The following SMOC1 variants were observed in gnomAD, a reference collection of about 807,000 sequenced individuals.
SMOC1 encodes the protein SPARC-related modular calcium-binding protein 1.
A neutral mutation model predicts 56.3 loss-of-function variants in SMOC1; 22 were observed. The observed-to-expected ratio is 0.39, with a 90% CI of 0.28 to 0.56. SMOC1 has a LOEUF of 0.56. SMOC1 is among the 20% of genes least tolerant of loss of function. The probability of loss-of-function intolerance (pLI) is 0.61; values close to 1 mark genes in which losing one functional copy is unlikely to be tolerated. For synonymous variants in SMOC1, 193 were observed against 215.0 expected (o/e 0.90, Z 0.89); for missense variants, 509 against 565.4 (o/e 0.90, Z 1.01).
rs564870427 is a variant in SMOC1, at chr14:69,923,421, G to A, written c.100-28717G>A. On this transcript the variant is annotated intron_variant, in intron 1 of 11. Transcript: ENST00000361956. ...ACACATAGGAATTGGGGTGGTGGGA[G>A]CACAGGGGGTAATAGCATGGACCAG... is the stretch of plus-strand genomic sequence containing the variant. Among the ~76,000 whole-genome samples the A allele has an allele frequency of 2.0e-5, 3 of 152,322 alleles. No homozygotes were observed. The South Asian group carries it at 6.2e-4, about 32-fold the overall frequency.
chr14:69,966,163 T>C (rs139225830), intron 3 of SMOC1, among the ~76,000 whole-genome samples: 2 of 152,188 alleles, frequency 1.3e-5, no homozygotes, highest in African/African-American at 4.8e-5. Flanking sequence ...TATTATGTAC[T>C]TTTTAAACAT....
intron 5 of SMOC1, among the ~76,000 whole-genome samples, chr14:69,982,082 T>G (rs1033591725): frequency 6.6e-6 from 1 of 152,172 alleles, no homozygotes; most frequent in African/African-American, 2.4e-5. Flanking sequence ...TCAGAGGCCA[T>G]GGGGTGATGC....
intron 3 of SMOC1, among the ~76,000 whole-genome samples, chr14:69,968,065 A>C (rs1312757759): frequency 6.6e-6 from 1 of 152,216 alleles, no homozygotes; most frequent in Non-Finnish European, 1.5e-5. Flanking sequence ...TTAAAATACC[A>C]TGTCATTAAA....
intron 1 of SMOC1, among the ~76,000 whole-genome samples, chr14:69,938,033 A>C (rs762095558): frequency 1.3e-5 from 2 of 152,076 alleles, no homozygotes; most frequent in Non-Finnish European, 2.9e-5. Flanking sequence ...TGGATAAAGC[A>C]TTTCTTCCTC....
chr14:69,885,269 T>C (rs1883766118), intron 1 of SMOC1: 3 of 949,418 alleles, frequency 3.2e-6, no homozygotes, highest in Non-Finnish European at 4.6e-6. Context: ...ACAACTTCTT[T>C]TTTTTTTTTT....
In SMOC1 at chr14:70,010,959, G is replaced by T; in HGVS notation, c.857+13G>T. The T allele has an allele frequency of 1.2e-6, 2 of 1,611,902 alleles. No individual in the cohort carries two copies. The highest frequency in any genetic ancestry group is 1.7e-6 in the Non-Finnish European group (2 of 1,179,924). ...GGACCTCCACACGGTAAGCCCCCCAGACTGGGTCCTGGGAAAAACGCACCT... is the reference window on the plus strand; with the variant it reads ...GGACCTCCACACGGTAAGCCCCCCATACTGGGTCCTGGGAAAAACGCACCT... On this transcript the variant is annotated intron_variant, in intron 8 of 11. Transcript: ENST00000361956.
intron 1 of SMOC1, among the ~76,000 whole-genome samples, chr14:69,910,982 A>G (rs79123588): frequency 1.3e-5 from 2 of 152,318 alleles, no homozygotes; most frequent in African/African-American, 4.8e-5. Context: ...ATTGAACTGT[A>G]TCCAGACTCC....
intron 1 of SMOC1, among the ~76,000 whole-genome samples, chr14:69,936,851 T>C (rs1885307601): frequency 6.6e-6 from 1 of 151,334 alleles, no homozygotes; most frequent in Non-Finnish European, 1.5e-5. Flanking sequence ...AACATTTTGG[T>C]ATATTTCCTA....
At chr14:69,974,187 G>T (rs1292385197) in intron 3 of SMOC1, among the ~76,000 whole-genome samples, 1 of 152,164 alleles carries the variant, frequency 6.6e-6, no homozygotes, top group African/African-American at 2.4e-5. Context: ...GATCTTGAGA[G>T]GGGGGAGTGG....
intron 3 of SMOC1, among the ~76,000 whole-genome samples, chr14:69,960,224 C>T (rs1329435864): frequency 3.3e-5 from 5 of 152,148 alleles, no homozygotes; most frequent in Admixed American, 6.5e-5. Flanking sequence ...GTTCAGGGGC[C>T]AAGGGCCTTT....
At chr14:69,994,182 C>G in intron 6 of SMOC1, 1 of 621,094 alleles carries the variant, frequency 1.6e-6, no homozygotes, top group Non-Finnish European at 2.9e-6. Context: ...CACTCTGCTT[C>G]CCAGCACAGG....
In SMOC1 at chr14:69,977,931, C is replaced by T. The variant is rs776418067; in HGVS notation, c.492C>T (p.Asp164=). Residue 164 remains aspartate, a synonymous_variant, in exon 5 of 12, where the codon GAC becomes GAT. Transcript: ENST00000361956. ...TTCTCACCCAAGGTTCAGTCACCGA[C>T]AAGCCCTTGAGCCAGGGTAACTCAG... ...KTPVCSGSVT[D]KPLSQGNSGR... is the part of the protein sequence containing the mutation. 1.8e-5 allele frequency: 29 copies of T among 1,613,858 alleles called. No individual in the cohort carries two copies. The highest frequency in any genetic ancestry group is 2.3e-5 in the Non-Finnish European group (27 of 1,179,896).
At chr14:69,910,227 A>G (rs1884521751) in intron 1 of SMOC1, among the ~76,000 whole-genome samples, 1 of 152,238 alleles carries the variant, frequency 6.6e-6, no homozygotes, top group African/African-American at 2.4e-5. Context: ...TTTCATTCCC[A>G]CTTACGATTG....
Position 70,031,696 on chromosome 14 carries a change from G to T in SMOC1, c.*1438G>T, listed in dbSNP as rs989449162. ...TCTAGGGTGGGCTGCCCAGCCTTCT[G>T]GTCTGAGGCGCAGCTCCCTCTGCCC... On this transcript the variant is annotated 3_prime_UTR_variant, in exon 12 of 12. Coordinates refer to ENST00000361956, the MANE Select transcript of SMOC1 (RefSeq NM_001034852.3). 2.6e-5 allele frequency: 4 copies of T among 152,250 alleles called. No individual in the cohort carries two copies. The highest frequency in any genetic ancestry group is 9.7e-5 in the African/African-American group (4 of 41,438). 9.4% of individuals were successfully genotyped at this position (152,250 alleles called of 1,614,324 possible).
chr14:69,889,206 A>G (rs1383509815), intron 1 of SMOC1, among the ~76,000 whole-genome samples: 1 of 152,074 alleles, frequency 6.6e-6, no homozygotes, highest in Admixed American at 6.5e-5. Flanking sequence ...CTTCTGCTGG[A>G]TACCCCCATG....
At chr14:69,885,477 T>G in intron 1 of SMOC1, 2 of 1,600,830 alleles carry the variant, frequency 1.2e-6, no homozygotes, top group Non-Finnish European at 1.7e-6. Context: ...TTGGTCCTGA[T>G]AGCTTCCACC....
intron 5 of SMOC1, among the ~76,000 whole-genome samples, chr14:69,982,812 G>A (rs1389238890): frequency 1.3e-5 from 2 of 152,208 alleles, no homozygotes; most frequent in Non-Finnish European, 2.9e-5. Flanking sequence ...ATGGAGATGG[G>A]CAGCTGACGA....
chr14:69,982,060 G>A (rs1186768255), intron 5 of SMOC1, among the ~76,000 whole-genome samples: 1 of 152,174 alleles, frequency 6.6e-6, no homozygotes, highest in East Asian at 1.9e-4. Flanking sequence ...TGACTTCTGA[G>A]TGCCCAGAGC....
At chr14:69,988,710 C>T (rs1362782646) in intron 5 of SMOC1, among the ~76,000 whole-genome samples, 1 of 152,198 alleles carries the variant, frequency 6.6e-6, no homozygotes, top group African/African-American at 2.4e-5. Context: ...ATTTTCTACT[C>T]CTACCTGTAG....
Sources: gnomAD v4.1 joint callset for allele counts (sites outside exome capture counted in the v4.1 genomes callset) on GRCh38, gnomAD v4.1.1 for gene constraint, MANE v1.5 for transcripts, NCBI Gene and HGNC (gene_info 2026-07-23, HGNC 2026-07-21) for gene names.